Variants in PLCL1 observed in about 807,000 individuals in gnomAD.
The protein encoded by PLCL1 is phospholipase C like 1 (inactive), also known as inactive phospholipase C-like protein 1.
Under a neutral mutation model 84.4 loss-of-function variants are expected in PLCL1, and 41 were observed. The observed-to-expected ratio is 0.49, with a 90% CI of 0.38 to 0.63. The LOEUF is 0.63. Ranked by LOEUF, PLCL1 falls within the 30% of genes least tolerant of loss-of-function variation. The probability of loss-of-function intolerance (pLI) is 0.00; values close to 1 mark genes in which losing one functional copy is unlikely to be tolerated. For synonymous variants in PLCL1, 490 were observed against 488.3 expected, an observed-to-expected ratio of 1.00 and a Z score of -0.05; for missense variants, 1,206 against 1,367.8, an observed-to-expected ratio of 0.88 and a Z score of 1.87.
chr2:197,812,847 C>G (rs1312223632), intron 1 of PLCL1, among the ~76,000 whole-genome samples: 2 of 152,176 alleles, frequency 1.3e-5, no homozygotes, highest in Non-Finnish European at 2.9e-5. Flanking sequence ...TTAGTGTTAT[C>G]TGGGACCAAA....
chr2:198,025,858 T>A (rs1691251668), intron 1 of PLCL1, among the ~76,000 whole-genome samples: 1 of 152,064 alleles, frequency 6.6e-6, no homozygotes, highest in African/African-American at 2.4e-5. Flanking sequence ...ATCTTAAAAA[T>A]TTTAAGATTG....
At chr2:198,096,094 G>A (rs1204761546) in intron 3 of PLCL1, among the ~76,000 whole-genome samples, 2 of 152,226 alleles carry the variant, frequency 1.3e-5, no homozygotes, top group Non-Finnish European at 1.5e-5. Context: ...TGTGCAAGGT[G>A]CTAGAGAAAG....
At chr2:197,853,749 GTT>G (rs1687283481) in intron 1 of PLCL1, among the ~76,000 whole-genome samples, 3 of 152,046 alleles carry the variant, frequency 2.0e-5, no homozygotes, top group Non-Finnish European at 4.4e-5. Context: ...AGTTGTCCCT[GTT>G]TCTACCCAAG....
intron 1 of PLCL1, among the ~76,000 whole-genome samples, chr2:198,045,520 T>C (rs1574270562): frequency 6.6e-6 from 1 of 152,364 alleles, no homozygotes; most frequent in Admixed American, 6.5e-5. Flanking sequence ...AAATATTTGA[T>C]GAGTCAGTTC....
chr2:198,095,931 C>A (rs1243520855), intron 3 of PLCL1, among the ~76,000 whole-genome samples: 1 of 152,178 alleles, frequency 6.6e-6, no homozygotes, highest in Non-Finnish European at 1.5e-5. Flanking sequence ...AGTTCTGTAA[C>A]TCAAGAGAAA....
intron 1 of PLCL1, among the ~76,000 whole-genome samples, chr2:197,809,100 G>C (rs541943182): frequency 6.6e-6 from 1 of 152,238 alleles, no homozygotes; most frequent in East Asian, 1.9e-4. Flanking sequence ...GTGCCCCTTG[G>C]GTACCAGTAG....
chr2:198,056,425 T>C (rs1692075541), intron 1 of PLCL1, among the ~76,000 whole-genome samples: 1 of 152,202 alleles, frequency 6.6e-6, no homozygotes, highest in Non-Finnish European at 1.5e-5. Flanking sequence ...GACCAAGGCC[T>C]CTGAGTCAGA....
At chr2:197,834,050 A>G (rs1459509489) in intron 1 of PLCL1, among the ~76,000 whole-genome samples, 9 of 152,258 alleles carry the variant, frequency 5.9e-5, no homozygotes, top group Admixed American at 5.2e-4. Context: ...AACCTGACAA[A>G]AACAAGCAGT....
chr2:197,808,107 A>G (rs553045046), intron 1 of PLCL1, among the ~76,000 whole-genome samples: 5 of 152,298 alleles, frequency 3.3e-5, no homozygotes, highest in African/African-American at 1.2e-4. Context: ...AGGTTTAAAA[A>G]CGTTCAATGT....
chr2:197,978,372 G>C (rs1690030090), intron 1 of PLCL1, among the ~76,000 whole-genome samples: 1 of 152,216 alleles, frequency 6.6e-6, no homozygotes. Flanking sequence ...AGCTACTCGG[G>C]AGGCTGAGGC....
At chr2:197,936,846 A>C (rs1272575297) in intron 1 of PLCL1, among the ~76,000 whole-genome samples, 2 of 152,176 alleles carry the variant, frequency 1.3e-5, no homozygotes, top group Admixed American at 6.6e-5. Context: ...TATACAAAAA[A>C]ATCATTGCCT....
At chr2:198,123,726 G>A (rs1346002949) in intron 5 of PLCL1, among the ~76,000 whole-genome samples, 2 of 152,060 alleles carry the variant, frequency 1.3e-5, no homozygotes, top group Admixed American at 6.6e-5. Context: ...ATTGCTGCCT[G>A]AGCCCCGCCT....
intron 1 of PLCL1, among the ~76,000 whole-genome samples, chr2:197,933,739 A>G (rs1345507262): frequency 6.6e-6 from 1 of 152,160 alleles, no homozygotes; most frequent in Non-Finnish European, 1.5e-5. Flanking sequence ...AAGGTTCTTG[A>G]TGTGATACAG....
rs765915487 is a variant in PLCL1 at position 198,085,638 on chromosome 2, C to T, written c.2121C>T (p.Phe707=). Residue 707 remains phenylalanine (F), a synonymous_variant, in exon 2 of 6, where the codon TTC becomes TTT. Coordinates refer to ENST00000428675, the MANE Select transcript of PLCL1 (RefSeq NM_006226.4). This position sits in a 1 kb window ranked among gnomAD's most constrained non-coding sequence, Gnocchi z 5.3. ...TAATGCGAGATGAAGTTTCTTACTT[C>T]AGCGCAAATACAAAGGGCATTCTAC... is the stretch of plus-strand genomic sequence containing the variant. The part of the protein sequence containing the change: ...PSIMRDEVSY[F]SANTKGILPG... 21 of 1,613,998 alleles carry T rather than the reference C, an allele frequency of 1.3e-5. No individual in the cohort carries two copies. Among genetic ancestry groups the T allele is most frequent in the Middle Eastern group, 3.3e-4 (2 of 6,062 alleles).
intron 1 of PLCL1, among the ~76,000 whole-genome samples, chr2:198,016,965 A>T (rs1372324737): frequency 6.6e-6 from 1 of 152,104 alleles, no homozygotes; most frequent in African/African-American, 2.4e-5. Flanking sequence ...GGGCATGGAG[A>T]CTGGTGCTTT....
chr2:198,012,751 C>CAT (rs1690900822), intron 1 of PLCL1, among the ~76,000 whole-genome samples: 1 of 149,966 alleles, frequency 6.7e-6, no homozygotes, highest in Non-Finnish European at 1.5e-5. Context: ...ATATATATTA[C>CAT]ATATATATAA....
chr2:197,832,968 G>A lies in PLCL1; in HGVS notation c.240+27629G>A, dbSNP rs992485385. ...AATTTGGCCAGGTGCGGTGGCTCAC[G>A]CCTGTGATCCCAGCACTTTGGGAGG... On this transcript the variant is annotated intron_variant, in intron 1 of 5. Transcript: ENST00000428675. 2.6e-5 allele frequency among the ~76,000 whole-genome samples: 4 copies of A among 152,294 alleles called. No individual in the cohort carries two copies. In the South Asian group the frequency reaches 8.3e-4, roughly 32 times the overall value.
chr2:198,118,736 C>T (rs539675884), intron 5 of PLCL1, among the ~76,000 whole-genome samples: 2 of 152,066 alleles, frequency 1.3e-5, no homozygotes, highest in South Asian at 2.1e-4. Context: ...ACTGCACAAC[C>T]GTAGGGGGTG....
At chr2:198,081,775 T>C (rs1692719542) in intron 1 of PLCL1, among the ~76,000 whole-genome samples, 1 of 152,202 alleles carries the variant, frequency 6.6e-6, no homozygotes, top group African/African-American at 2.4e-5. Flanking sequence ...TTTTAGTCAA[T>C]TGAATAATAA....
Sources: gnomAD v4.1 joint callset for allele counts (sites outside exome capture counted in the v4.1 genomes callset) on GRCh38, gnomAD v4.1.1 for gene constraint, Gnocchi (gnomAD v3.1) non-coding constraint, MANE v1.5 for transcripts, NCBI Gene and HGNC (gene_info 2026-07-23, HGNC 2026-07-21) for gene names.